The following RBFOX3 variants were observed in gnomAD, a reference collection of about 807,000 sequenced individuals.
RBFOX3 encodes the protein RNA binding fox-1 homolog 3.
RBFOX3 carries 17 observed loss-of-function variants against 48.7 expected under a neutral mutation model. The ratio of observed to expected loss-of-function variants is 0.35; its 90% confidence interval spans 0.24 to 0.52. The LOEUF (loss-of-function observed/expected upper bound fraction) is 0.52. Ranked by LOEUF, RBFOX3 falls within the 20% of genes least tolerant of loss-of-function variation. The pLI is 0.94. For missense variants in RBFOX3, 382 were observed against 497.5 expected (o/e 0.77, Z 2.21); for synonymous variants, 212 against 209.5 (o/e 1.01, Z -0.10).
chr17:79,129,976 T>A (rs1470935034), intron 4 of RBFOX3, among the ~76,000 whole-genome samples: 1 of 152,098 alleles, frequency 6.6e-6, no homozygotes, highest in East Asian at 1.9e-4. Flanking sequence ...ATGGGAGCTC[T>A]GCAGGAGGAG....
chr17:79,659,014 G>A, the RBFOX3 span, among the ~76,000 whole-genome samples: 24 of 152,146 alleles, frequency 1.6e-4, no homozygotes, highest in Non-Finnish European at 2.8e-4. Flanking sequence ...GGTCCGGGCA[G>A]CTCTTCTTGG....
chr17:79,170,480 T>TG (rs1487429199), intron 4 of RBFOX3, among the ~76,000 whole-genome samples: 1 of 152,006 alleles, frequency 6.6e-6, no homozygotes, highest in Admixed American at 6.5e-5. Flanking sequence ...TCTTGAGGGC[T>TG]GGGGGGGCAA....
At chr17:79,468,691 CAGAT>C (rs1199032423) in intron 2 of RBFOX3, among the ~76,000 whole-genome samples, 4 of 144,454 alleles carry the variant, frequency 2.8e-5, no homozygotes, top group Admixed American at 2.1e-4. Flanking sequence ...GACAGGCAGA[CAGAT>C]AGGAGGATAG....
chr17:79,257,947 G>A (rs897652894), intron 3 of RBFOX3, among the ~76,000 whole-genome samples: 8 of 152,218 alleles, frequency 5.3e-5, no homozygotes, highest in Admixed American at 2.6e-4. Flanking sequence ...ACATTTTTCA[G>A]CTTCTAATCT....
At chr17:79,649,565 G>A in the RBFOX3 span, among the ~76,000 whole-genome samples, 12 of 152,208 alleles carry the variant, frequency 7.9e-5, no homozygotes, top group African/African-American at 2.9e-4. Flanking sequence ...AACTAGCCAG[G>A]CATGATGGCG....
chr17:79,617,529 C>T, the RBFOX3 span, among the ~76,000 whole-genome samples: 2 of 152,276 alleles, frequency 1.3e-5, no homozygotes, highest in South Asian at 2.1e-4. Flanking sequence ...TGCAGGTGGC[C>T]CCGTGGCCAA....
At position 79,380,572 on chromosome 17, in the gene RBFOX3, C is replaced by T. The variant is rs541285903; in HGVS notation, c.-174-72748G>A. On this transcript the variant is annotated intron_variant, in intron 2 of 14. Transcript: ENST00000693108. ...AGATGCTGAGCCAGAGAGCAGGGACCGTTTACTGCAGCATTTGTCCTTTGG... is the reference window on the plus strand; with the variant it reads ...AGATGCTGAGCCAGAGAGCAGGGACTGTTTACTGCAGCATTTGTCCTTTGG... Among the ~76,000 whole-genome samples, 5 of 152,294 alleles carry T rather than the reference C, an allele frequency of 3.3e-5. No individual in the cohort carries two copies. In the East Asian group the frequency reaches 9.7e-4, roughly 29 times the overall value.
intron 4 of RBFOX3, among the ~76,000 whole-genome samples, chr17:79,126,582 C>G (rs1185403671): frequency 6.6e-6 from 1 of 152,156 alleles, no homozygotes; most frequent in Non-Finnish European, 1.5e-5. Context: ...CTGCCCTCCT[C>G]CCTGTCTATA....
chr17:79,263,043 C>T (rs375578551), intron 3 of RBFOX3, among the ~76,000 whole-genome samples: 2 of 152,218 alleles, frequency 1.3e-5, no homozygotes, highest in East Asian at 1.9e-4. Context: ...TGGGTTGAGG[C>T]GACTTAGCTG....
intron 2 of RBFOX3, among the ~76,000 whole-genome samples, chr17:79,409,602 G>A (rs1009589676): frequency 4.6e-5 from 7 of 152,254 alleles, no homozygotes; most frequent in African/African-American, 1.7e-4. Flanking sequence ...CATGTGCAGA[G>A]GGTGGTGGCA....
At chr17:79,116,740 C>T (rs928489087) in intron 4 of RBFOX3, among the ~76,000 whole-genome samples, 2 of 152,242 alleles carry the variant, frequency 1.3e-5, no homozygotes, top group Non-Finnish European at 2.9e-5. Context: ...TCTGTCTGTG[C>T]CCCCTCAAAG....
At chr17:79,312,359 C>A (rs1459805450) in intron 2 of RBFOX3, among the ~76,000 whole-genome samples, 1 of 151,180 alleles carries the variant, frequency 6.6e-6, no homozygotes, top group Non-Finnish European at 1.5e-5. Context: ...CATGGCCTGA[C>A]CCACCTTTCT....
At position 79,198,103 on chromosome 17, in the gene RBFOX3, G is replaced by A. The variant is rs958636198; in HGVS notation, c.-34+37663C>T. Among the ~76,000 whole-genome samples, 3 of 151,632 alleles carry A rather than the reference G, an allele frequency of 2.0e-5. No individual in the cohort carries two copies. The highest frequency in any genetic ancestry group is 2.9e-5 in the Non-Finnish European group (2 of 67,982). ...ATCCCGGAAGTGCTACGGTTGCATC[G>A]TGTGGGGTGGGCTGTCATCCCGGAA... On this transcript the variant is annotated intron_variant, in intron 4 of 14. Coordinates refer to ENST00000693108, the MANE Select transcript of RBFOX3 (RefSeq NM_001350451.2). The surrounding 1 kb of genome is among the most constrained non-coding windows in gnomAD (Gnocchi z 8.2).
At chr17:79,611,169 T>TCTCTCTCTCTCTCGCTCTCTCG, upstream of RBFOX3, among the ~76,000 whole-genome samples, 1 of 25,908 alleles carries the variant, frequency 3.9e-5, no homozygotes, top group Non-Finnish European at 8.1e-5. Flanking sequence ...TCTCTCTCTC[T>TCTCTCTCTCTCTCGCTCTCTCG]CTCTCCGCCC....
At chr17:79,264,851 C>T (rs2066407132) in intron 3 of RBFOX3, among the ~76,000 whole-genome samples, 1 of 152,154 alleles carries the variant, frequency 6.6e-6, no homozygotes, top group South Asian at 2.1e-4. Context: ...GCTCCTGCCC[C>T]CGCTGGAAGG....
chr17:79,601,784 G>A (rs1363219997), intron 1 of RBFOX3: 4 of 152,214 alleles, frequency 2.6e-5, no homozygotes, highest in African/African-American at 9.7e-5. Flanking sequence ...ACTGTTATCA[G>A]TGATCTGGCC....
chr17:79,201,748 C>A (rs935816991), intron 4 of RBFOX3, among the ~76,000 whole-genome samples: 1 of 152,222 alleles, frequency 6.6e-6, no homozygotes, highest in South Asian at 2.1e-4. Flanking sequence ...AGCTCACACA[C>A]AGCACCCCCT....
At chr17:79,202,352 C>CAG (rs936168191) in intron 4 of RBFOX3, among the ~76,000 whole-genome samples, 15 of 152,256 alleles carry the variant, frequency 9.9e-5, no homozygotes, top group African/African-American at 2.2e-4. Context: ...CGTATAATAA[C>CAG]AGATGACTCT....
intron 3 of RBFOX3, among the ~76,000 whole-genome samples, chr17:79,270,980 TTTTG>T (rs1052508415): frequency 2.0e-5 from 2 of 102,242 alleles, no homozygotes; most frequent in African/African-American, 6.2e-5. Flanking sequence ...TTCTTTTCTT[TTTTG>T]TTTTTTTCTT....
Sources: gnomAD v4.1 joint callset for allele counts (sites outside exome capture counted in the v4.1 genomes callset) on GRCh38, gnomAD v4.1.1 for gene constraint, Gnocchi (gnomAD v3.1) non-coding constraint, MANE v1.5 for transcripts, NCBI Gene and HGNC (gene_info 2026-07-23, HGNC 2026-07-21) for gene names.